MCTP1: variants seen among roughly 807,000 people sequenced by gnomAD.
MCTP1 encodes multiple C2 and transmembrane domain-containing protein 1.
MCTP1 carries 69 observed loss-of-function variants against 120.6 expected under a neutral mutation model. That is an observed-to-expected ratio of 0.57 (90% CI 0.47 to 0.70). The LOEUF (loss-of-function observed/expected upper bound fraction) is 0.70, where lower values mean the gene tolerates loss of function less well. Ranked by LOEUF, MCTP1 falls within the 30% of genes least tolerant of loss-of-function variation. The pLI is 0.00. For missense variants in MCTP1, 1,203 were observed against 1,248.8 expected (o/e 0.96, Z 0.55); for synonymous variants, 529 against 493.1 (o/e 1.07, Z -0.96).
At chr5:95,244,248 C>T (rs748315005) in intron 1 of MCTP1, among the ~76,000 whole-genome samples, 3 of 152,204 alleles carry the variant, frequency 2.0e-5, no homozygotes, top group Non-Finnish European at 2.9e-5. Context: ...CGGTCTATAG[C>T]TCCCAGCAAG....
intron 1 of MCTP1, among the ~76,000 whole-genome samples, chr5:95,121,093 G>A (rs540638708): frequency 6.6e-6 from 1 of 151,706 alleles, no homozygotes; most frequent in South Asian, 2.1e-4. Context: ...CCTGGCTAAC[G>A]CAGTGAAACC....
At chr5:95,114,377 T>C (rs1282066044) in intron 1 of MCTP1, among the ~76,000 whole-genome samples, 2 of 152,212 alleles carry the variant, frequency 1.3e-5, no homozygotes, top group Non-Finnish European at 2.9e-5. Flanking sequence ...GCCTTGGCTC[T>C]TGGATGGCAT....
intron 9 of MCTP1, among the ~76,000 whole-genome samples, chr5:94,910,136 A>C (rs577621102): frequency 1.4e-3 from 219 of 151,800 alleles, no homozygotes; most frequent in African/African-American, 5.0e-3. Context: ...ATACATGTAT[A>C]TATGTATGAG....
chr5:95,105,073 T>C (rs1404461717), intron 1 of MCTP1, among the ~76,000 whole-genome samples: 1 of 152,146 alleles, frequency 6.6e-6, no homozygotes, highest in South Asian at 2.1e-4. Context: ...TAACAATCCA[T>C]AGCATGCTGT....
Position 95,043,295 on chromosome 5 carries a change from C to G in MCTP1, c.721-25811G>C, listed in dbSNP as rs148776080. 7.2e-5 allele frequency among the ~76,000 whole-genome samples: 11 copies of G among 152,288 alleles called. No homozygotes were observed. In the East Asian group the frequency reaches 2.1e-3, roughly 29 times the overall value. On this transcript the variant is annotated intron_variant, in intron 1 of 22. Transcript: ENST00000515393. ...TTTATAATCTGGTATTAACACTTCT[C>G]AAAATTGCCTTTCTCTCCCTCCAAA...
intron 1 of MCTP1, among the ~76,000 whole-genome samples, chr5:95,053,528 G>T (rs1582048008): frequency 6.6e-6 from 1 of 152,136 alleles, no homozygotes; most frequent in East Asian, 1.9e-4. Flanking sequence ...GAGATTCCAC[G>T]ACTATTGAGA....
intron 19 of MCTP1, among the ~76,000 whole-genome samples, chr5:94,753,188 C>G (rs139307221): frequency 6.6e-6 from 1 of 152,248 alleles, no homozygotes; most frequent in African/African-American, 2.4e-5. Flanking sequence ...CTGCAGAAGT[C>G]AGTCTTATGA....
chr5:94,859,583 G>C (rs936554343), intron 17 of MCTP1, among the ~76,000 whole-genome samples: 3 of 151,640 alleles, frequency 2.0e-5, no homozygotes, highest in Non-Finnish European at 3.0e-5. Flanking sequence ...ATTATTTTGT[G>C]TTAATTAAAC....
At chr5:95,010,016 C>T (rs1447357458) in intron 2 of MCTP1, among the ~76,000 whole-genome samples, 1 of 152,108 alleles carries the variant, frequency 6.6e-6, no homozygotes, top group East Asian at 1.9e-4. Flanking sequence ...TAGTTTTTCC[C>T]TTCCACTGTT....
intron 17 of MCTP1, among the ~76,000 whole-genome samples, chr5:94,852,141 T>A (rs1302589323): frequency 6.6e-6 from 1 of 151,940 alleles, no homozygotes; most frequent in Non-Finnish European, 1.5e-5. Context: ...AAAAGCAGAT[T>A]TTAAAGTTTT....
intron 1 of MCTP1, among the ~76,000 whole-genome samples, chr5:95,276,542 C>A (rs1183728140): frequency 6.7e-6 from 1 of 148,524 alleles, no homozygotes; most frequent in Admixed American, 6.7e-5. Context: ...CAGGCGTGAG[C>A]CACTGCGCCC....
intron 2 of MCTP1, among the ~76,000 whole-genome samples, chr5:95,005,890 T>A (rs1834639531): frequency 6.6e-6 from 1 of 152,084 alleles, no homozygotes; most frequent in Non-Finnish European, 1.5e-5. Context: ...GCCCAATTAT[T>A]CCAGTTCAGG....
chr5:94,957,459 G>A (rs6556855), intron 2 of MCTP1, among the ~76,000 whole-genome samples: 56,776 of 151,906 alleles, frequency 0.37, 10,804 homozygotes, highest in Middle Eastern at 0.43. Flanking sequence ...CCAATTAAAA[G>A]GCACAGACTA....
At chr5:95,210,000 C>G (rs944625436) in intron 1 of MCTP1, among the ~76,000 whole-genome samples, 3 of 152,124 alleles carry the variant, frequency 2.0e-5, no homozygotes, top group Non-Finnish European at 4.4e-5. Flanking sequence ...GTTTCTTAAT[C>G]CTGAGTTCTA....
chr5:94,935,809 C>A (rs1463925619), intron 5 of MCTP1, among the ~76,000 whole-genome samples: 3 of 152,042 alleles, frequency 2.0e-5, no homozygotes, highest in Non-Finnish European at 4.4e-5. Flanking sequence ...GATTGTGAAG[C>A]ATTCAGTAAC....
At chr5:94,755,518 G>A (rs757020559) in intron 19 of MCTP1, among the ~76,000 whole-genome samples, 2 of 152,156 alleles carry the variant, frequency 1.3e-5, no homozygotes, top group African/African-American at 4.8e-5. Context: ...GGGAAACTCC[G>A]AGGACCACGA....
rs1478892611 is a variant in MCTP1, at chr5:94,704,770, A to G, written c.*2726T>C. On this transcript the variant is annotated 3_prime_UTR_variant, in exon 23 of 23. Transcript: ENST00000515393. ...CCCAACTCAGATTATCCTAGTGCAT[A>G]TAGAATGTTCAAAAACTGATTGATT... is the stretch of plus-strand genomic sequence containing the variant. 6.6e-6 allele frequency: 1 copy of G among 150,742 alleles called. No homozygotes were observed. Among genetic ancestry groups the G allele is most frequent in the Non-Finnish European group, 1.5e-5 (1 of 67,380 alleles). 9.3% of individuals were successfully genotyped at this position (150,742 alleles called of 1,614,324 possible).
chr5:95,264,365 A>G (rs529381140), intron 1 of MCTP1, among the ~76,000 whole-genome samples: 1 of 152,234 alleles, frequency 6.6e-6, no homozygotes, highest in Non-Finnish European at 1.5e-5. Flanking sequence ...TTAAAAACCT[A>G]GTTGATATAC....
chr5:95,202,724 T>C (rs1334040377), intron 1 of MCTP1, among the ~76,000 whole-genome samples: 1 of 151,934 alleles, frequency 6.6e-6, no homozygotes, highest in Admixed American at 6.6e-5. Context: ...AATCTTTCTC[T>C]TTTTTCTTTT....
Sources: allele counts gnomAD v4.1 joint callset (sites outside exome capture counted in the v4.1 genomes callset), GRCh38; gene constraint gnomAD v4.1.1; transcripts MANE v1.5; gene names NCBI Gene and HGNC (gene_info 2026-07-23, HGNC 2026-07-21).